ALDH4A1: variants seen among roughly 807,000 people sequenced by gnomAD.
ALDH4A1 encodes the protein delta-1-pyrroline-5-carboxylate dehydrogenase, mitochondrial.
ALDH4A1 carries 46 observed loss-of-function variants against 70.5 expected under a neutral mutation model. The observed-to-expected ratio is 0.65, with a 90% confidence interval of 0.51 to 0.83. ALDH4A1 has a LOEUF of 0.83. ALDH4A1 is among the 40% of genes least tolerant of loss of function. The pLI is 0.00. For synonymous variants in ALDH4A1, 323 were observed against 324.3 expected (o/e 1.00, Z 0.04); for missense variants, 749 against 766.5 (o/e 0.98, Z 0.27).
At chr1:18,885,427 T>TTCCCCCCCCCCCC in intron 5 of ALDH4A1, 46 bp downstream of exon 5, 12 of 650,920 alleles carry the variant, frequency 1.8e-5, no homozygotes, top group East Asian at 3.2e-5. Context: ...CACACCTGAC[T>TTCCCCCCCCCCCC]CCCACCCCAC....
chr1:18,900,866 A>C (rs1283549180), intron 1 of ALDH4A1: 1 of 985,152 alleles, frequency 1.0e-6, no homozygotes, highest in East Asian at 1.1e-4. Flanking sequence ...GGAATGAGAC[A>C]GTACTTACCG....
chr1:18,892,128 T>C (rs1003639463), intron 1 of ALDH4A1, among the ~76,000 whole-genome samples: 3 of 152,162 alleles, frequency 2.0e-5, no homozygotes, highest in Admixed American at 1.3e-4. Flanking sequence ...GGATTGTTTT[T>C]GCCCTATGGG....
At chr1:18,897,071 T>C (rs1935643352) in intron 1 of ALDH4A1, 2 of 534,106 alleles carry the variant, frequency 3.7e-6, no homozygotes, top group Non-Finnish European at 7.7e-6. Context: ...GCATGACAAG[T>C]TGAGCATCCC....
At position 18,876,943 on chromosome 1, in the gene ALDH4A1, A is replaced by G. The variant is rs981541945; in HGVS notation, c.1185+265T>C. Reference sequence around the variant, plus strand: ...GAGCCCTATATGAACACATTCACAAACACACGTGTACATGCACTCATGCAA... The same window carrying G: ...GAGCCCTATATGAACACATTCACAAGCACACGTGTACATGCACTCATGCAA... On this transcript the variant is annotated intron_variant, in intron 11 of 14. Coordinates refer to ENST00000375341, the MANE Select transcript of ALDH4A1 (RefSeq NM_003748.4). Among the ~76,000 whole-genome samples, 9 of 152,288 alleles carry G rather than the reference A, an allele frequency of 5.9e-5. No individual in the cohort carries two copies. In the East Asian group the frequency reaches 1.7e-3, roughly 29 times the overall value.
At position 18,881,718 on chromosome 1, in the gene ALDH4A1, T is replaced by G; in HGVS notation, c.848A>C (p.Asn283Thr). 1.2e-6 allele frequency: 2 copies of G among 1,613,986 alleles called. No homozygotes were observed. Among genetic ancestry groups the G allele is most frequent in the South Asian group, 2.2e-5 (2 of 91,086 alleles). Residue 283 changes from asparagine to threonine, a missense_variant, in exon 8 of 15, where the codon AAC becomes ACC. Transcript: ENST00000375341. The stretch of plus-strand genomic sequence containing the variant: ...GACTTACGGCACACTGCCTGTGAAG[T>G]TGATGCCACAGAGGTGCTCTGAGCT... Reference protein sequence around the residue: ...VTSSEHLCGINFTGSVPTFKH... With the variant: ...VTSSEHLCGITFTGSVPTFKH...
Position 18,873,841 on chromosome 1 carries a change from G to A in ALDH4A1, c.1579+622C>T, listed in dbSNP as rs975976948. On this transcript the variant is annotated intron_variant, in intron 14 of 14. Transcript: ENST00000375341. ...TAACAACGTATCAAAACTCAAGAGG[G>A]CATCATGGGAGCTTCTAATGCGTCG... Among the ~76,000 whole-genome samples the A allele has an allele frequency of 2.7e-4, 41 of 152,224 alleles. 1 individual carries two copies. The highest frequency in any genetic ancestry group is 8.9e-4 in the African/African-American group (37 of 41,450).
At position 18,883,380 on chromosome 1, in the gene ALDH4A1, C is replaced by A. The variant is rs760752541; in HGVS notation, c.502G>T (p.Asp168Tyr). The A allele has an allele frequency of 1.2e-6, 2 of 1,613,378 alleles. No homozygotes were observed. Among genetic ancestry groups the A allele is most frequent in the Non-Finnish European group, 8.5e-7 (1 of 1,180,062 alleles). The change falls in exon 6 of 15, where the codon GAC becomes TAC. Residue 168 changes from aspartate to tyrosine, a missense_variant. By Grantham distance (160) the Asp-to-Tyr change is radical. Transcript: ENST00000375341. ...AEIDAAAELIDFFRFNAKYAV... is the reference protein window; with the variant it reads ...AEIDAAAELIYFFRFNAKYAV... ...TACTTGGCATTGAACCGGAAGAAGT[C>A]GATGAGTTCCGCTGCAGCGTCAATC...
intron 8 of ALDH4A1, among the ~76,000 whole-genome samples, chr1:18,879,582 C>T (rs1390700137): frequency 6.6e-6 from 1 of 152,180 alleles, no homozygotes; most frequent in East Asian, 1.9e-4. Context: ...GGTCCATGTT[C>T]TGCAGCCAGG....
rs557229082 is a variant in ALDH4A1, at chr1:18,879,414, C to A, written c.867-41G>T. The A allele has an allele frequency of 1.3e-5, 20 of 1,572,444 alleles. No homozygotes were observed. The Admixed American group carries it at 3.2e-4, about 25-fold the overall frequency. ...AAAGGGTGGGGTTCAGGGAGCCAGG[C>A]CAGAGGAAGGGGGCGGAAAAGCCCA... On this transcript the variant is annotated intron_variant, in intron 8 of 14. Coordinates refer to ENST00000375341, the MANE Select transcript of ALDH4A1 (RefSeq NM_003748.4).
intron 2 of ALDH4A1, 37 bp from the exon 3 acceptor site, chr1:18,889,491 T>A: frequency 1.3e-6 from 2 of 1,510,842 alleles, no homozygotes; most frequent in Non-Finnish European, 1.8e-6. Flanking sequence ...GGTCACCGCC[T>A]TCCTCGCTTC....
At position 18,875,424 on chromosome 1, in the gene ALDH4A1, G is replaced by C. The variant is rs756248483; in HGVS notation, c.1418C>G (p.Thr473Ser). Residue 473 changes from threonine to serine, a missense_variant, in exon 13 of 15, where the codon ACC becomes AGC. Physicochemically the swap from Thr to Ser is moderately conservative, Grantham distance 58 (BLOSUM62 1). Coordinates refer to ENST00000375341, the MANE Select transcript of ALDH4A1 (RefSeq NM_003748.4). ...TGCCCCCGTGAGGCCATAGCTGGTG[G>C]TGCTGTCAACCAGCTGCAGCGTCTC... ...YKETLQLVDS[T>S]TSYGLTGAVF... 1.2e-6 allele frequency: 2 copies of C among 1,614,168 alleles called. No individual in the cohort carries two copies. The highest frequency in any genetic ancestry group is 2.2e-5 in the East Asian group (1 of 44,868).
At chr1:18,879,525 A>G (rs1934878145) in intron 8 of ALDH4A1, 152 bp from the exon 9 acceptor site, 12 of 724,098 alleles carry the variant, frequency 1.7e-5, no homozygotes, top group Non-Finnish European at 2.7e-5. Context: ...TTCCAAGACT[A>G]CGGGGAGCGG....
At chr1:18,895,234 A>C (rs542615804) in intron 1 of ALDH4A1, among the ~76,000 whole-genome samples, 4 of 152,348 alleles carry the variant, frequency 2.6e-5, no homozygotes, top group African/African-American at 9.6e-5. Context: ...AGGCGGCACA[A>C]GACAGAGTCT....
chr1:18,890,997 G>T, intron 1 of ALDH4A1: 1 of 606,292 alleles, frequency 1.6e-6, no homozygotes, highest in Non-Finnish European at 2.1e-6. Context: ...TGGCCCTGGG[G>T]GTGAGGTGCC....
chr1:18,872,651 C>T lies in ALDH4A1; in HGVS notation c.*194G>A. The T allele has an allele frequency of 1.8e-6, 1 of 566,370 alleles. No individual in the cohort carries two copies. Among genetic ancestry groups the T allele is most frequent in the East Asian group, 2.9e-5 (1 of 34,178 alleles). 35.1% of individuals were successfully genotyped at this position (566,370 alleles called of 1,614,324 possible). A position where few individuals can be genotyped will look rare whatever the true frequency, so the allele number is the denominator to read the frequency against. On this transcript the variant is annotated 3_prime_UTR_variant, in exon 15 of 15. Coordinates refer to ENST00000375341, the MANE Select transcript of ALDH4A1 (RefSeq NM_003748.4). ...GGGATAAGGGGTAGTGGCCATGTTC[C>T]TCCCCAGCACGATCTCAAACCAGAG...
chr1:18,875,251 TG>T, intron 13 of ALDH4A1, 130 bp downstream of exon 13: 3 of 1,475,346 alleles, frequency 2.0e-6, no homozygotes, highest in Non-Finnish European at 2.8e-6. Context: ...GCTGCCTGTC[TG>T]GGCTGAGGGG....
rs1408754263 is a variant in ALDH4A1 at position 18,871,896 on chromosome 1, GCAA to G, written c.*946_*948del. On this transcript the variant is annotated 3_prime_UTR_variant, in exon 15 of 15. Transcript: ENST00000375341. ...TCCCAGGCAGAGGAGGATTCTACAGGCAACGTCCTCGGCCCATGCTGACGAACC... is the reference window on the plus strand; with the variant it reads ...TCCCAGGCAGAGGAGGATTCTACAGGCGTCCTCGGCCCATGCTGACGAACC... The G allele has an allele frequency of 6.6e-6, 1 of 152,328 alleles. No individual in the cohort carries two copies. Among genetic ancestry groups the G allele is most frequent in the Non-Finnish European group, 1.5e-5 (1 of 68,104 alleles). The allele number at this position is 152,328 out of a possible 1,614,324, so 9.4% of individuals were successfully genotyped here. A position where few individuals can be genotyped will look rare whatever the true frequency, so the allele number is the denominator to read the frequency against.
At chr1:18,889,913 G>C in intron 2 of ALDH4A1, 99 bp downstream of exon 2, 1 of 1,041,914 alleles carries the variant, frequency 9.6e-7, no homozygotes, top group Non-Finnish European at 1.4e-6. Context: ...GGGTAGAAGC[G>C]GGTGATGGCT....
rs766401941 is a variant in ALDH4A1, at chr1:18,877,545, G to T, written c.1008C>A (p.Thr336=). Residue 336 remains threonine (T), a synonymous_variant, in exon 10 of 15, where the codon ACC becomes ACA. Coordinates refer to ENST00000375341, the MANE Select transcript of ALDH4A1 (RefSeq NM_003748.4). ...SADVESVVSG[T]LRSAFEYGGQ... ...CACCGTACTCGAAGGCTGAGCGGAG[G>T]GTCCCGCTCACCACGCTCTCCACGT... is the stretch of plus-strand genomic sequence containing the variant. The T allele has an allele frequency of 1.2e-6, 2 of 1,612,226 alleles. No homozygotes were observed. Among genetic ancestry groups the T allele is most frequent in the South Asian group, 1.1e-5 (1 of 90,962 alleles).
Sources: allele counts gnomAD v4.1 joint callset (sites outside exome capture counted in the v4.1 genomes callset), GRCh38; gene constraint gnomAD v4.1.1; transcripts MANE v1.5; gene names NCBI Gene and HGNC (gene_info 2026-07-23, HGNC 2026-07-21).